Variants in PIK3AP1 observed in about 807,000 individuals in gnomAD.
The protein encoded by PIK3AP1 is phosphoinositide 3-kinase adapter protein 1.
A neutral mutation model predicts 88.1 loss-of-function variants in PIK3AP1; 21 were observed. The observed-to-expected ratio is 0.24, with a 90% CI of 0.17 to 0.34. The LOEUF (loss-of-function observed/expected upper bound fraction) is 0.34. Among genes scored for constraint, PIK3AP1 ranks in the 10% least tolerant of loss-of-function variants. The pLI is 1.00. For synonymous variants in PIK3AP1, 398 were observed against 400.0 expected, an observed-to-expected ratio of 1.00 and a Z score of 0.06; for missense variants, 828 against 1,035.7, an observed-to-expected ratio of 0.80 and a Z score of 2.75.
rs1406862722 is a variant in PIK3AP1, at chr10:96,594,604, G to C, written c.*973C>G. Reference sequence around the variant, plus strand: ...CCTCAGAAGCCTCAACGAAGAAAAAGTCAAAGGTCCTTCTCTCTCTATGAC... The same window carrying C: ...CCTCAGAAGCCTCAACGAAGAAAAACTCAAAGGTCCTTCTCTCTCTATGAC... On this transcript the variant is annotated 3_prime_UTR_variant, in exon 17 of 17. Transcript: ENST00000339364. The surrounding 1 kb of genome is among the most constrained non-coding windows in gnomAD (Gnocchi z 4.6). The C allele has an allele frequency of 6.6e-6, 1 of 152,116 alleles. No homozygotes were observed. The highest frequency in any genetic ancestry group is 2.4e-5 in the African/African-American group (1 of 41,424). The allele number at this position is 152,116 out of a possible 1,614,324, so 9.4% of individuals were successfully genotyped here.
At chr10:96,605,951 G>A (rs1374265468) in intron 14 of PIK3AP1, among the ~76,000 whole-genome samples, 2 of 152,156 alleles carry the variant, frequency 1.3e-5, no homozygotes, top group African/African-American at 2.4e-5. Flanking sequence ...GGGCGTGGTC[G>A]CGGGTGCCTG....
At chr10:96,662,445 T>A (rs766466311) in intron 2 of PIK3AP1, among the ~76,000 whole-genome samples, 4 of 150,048 alleles carry the variant, frequency 2.7e-5, no homozygotes, top group African/African-American at 9.9e-5. Context: ...CTACTAAAAA[T>A]ACAAAAAATT....
chr10:96,612,992 T>A (rs1415784576), intron 13 of PIK3AP1, among the ~76,000 whole-genome samples: 8 of 39,398 alleles, frequency 2.0e-4, no homozygotes, highest in African/African-American at 7.3e-4. Context: ...ATTTTTTTTT[T>A]TTTTTTTTTT....
intron 2 of PIK3AP1, among the ~76,000 whole-genome samples, chr10:96,663,584 C>T (rs954584372): frequency 8.1e-5 from 11 of 135,794 alleles, no homozygotes; most frequent in Admixed American, 4.9e-4. Flanking sequence ...GAGTCGAGAT[C>T]GCACCACTGT....
At chr10:96,697,634 T>A (rs1844238873) in intron 2 of PIK3AP1, among the ~76,000 whole-genome samples, 1 of 151,902 alleles carries the variant, frequency 6.6e-6, no homozygotes, top group Non-Finnish European at 1.5e-5. Context: ...GAGGCTGAGA[T>A]GAGAGGATCG....
intron 15 of PIK3AP1, 66 bp downstream of exon 15, chr10:96,603,913 G>A: frequency 7.1e-7 from 1 of 1,398,614 alleles, no homozygotes; most frequent in Non-Finnish European, 9.7e-7. Context: ...TTTCACCTGG[G>A]TTTCTATCTC....
rs1016234300 is a variant in PIK3AP1, at chr10:96,642,245, C to T, written c.1375+3228G>A. ...TTCAAGACCAGCCTGGGTAACATCA[C>T]AAAATCCCATCTATATGAAAAATAC... On this transcript the variant is annotated intron_variant, in intron 8 of 16. Transcript: ENST00000339364. Among the ~76,000 whole-genome samples the T allele has an allele frequency of 2.6e-5, 4 of 152,022 alleles. No homozygotes were observed. In the East Asian group the frequency reaches 7.7e-4, roughly 29 times the overall value.
chr10:96,653,234 G>A (rs745901983), intron 3 of PIK3AP1, among the ~76,000 whole-genome samples: 20 of 151,536 alleles, frequency 1.3e-4, no homozygotes, highest in Non-Finnish European at 2.5e-4. Flanking sequence ...GTGAAACCCC[G>A]CCTCTACTAA....
At chr10:96,652,489 C>T (rs113427239) in intron 4 of PIK3AP1, among the ~76,000 whole-genome samples, 11 of 151,874 alleles carry the variant, frequency 7.2e-5, no homozygotes, top group Admixed American at 7.2e-4. Flanking sequence ...AGGAGAATGG[C>T]GTGAACCTGG....
rs148368286 is a variant in PIK3AP1 at position 96,661,369 on chromosome 10, A to G, written c.431-4435T>C. ...TGTATGATACTATACTGGTGGGTGCATGTTATTAGACATTTGTCCACACCA... is the reference window on the plus strand; with the variant it reads ...TGTATGATACTATACTGGTGGGTGCGTGTTATTAGACATTTGTCCACACCA... On this transcript the variant is annotated intron_variant, in intron 2 of 16. Coordinates refer to ENST00000339364, the MANE Select transcript of PIK3AP1 (RefSeq NM_152309.3). Among the ~76,000 whole-genome samples the G allele has an allele frequency of 9.3e-3, 1,410 of 152,308 alleles. 21 individuals are homozygous for G. Among genetic ancestry groups the G allele is most frequent in the African/African-American group, 0.032 (1,345 of 41,552 alleles).
chr10:96,690,747 C>G (rs1176106591), intron 2 of PIK3AP1, among the ~76,000 whole-genome samples: 1 of 152,202 alleles, frequency 6.6e-6, no homozygotes, highest in Non-Finnish European at 1.5e-5. Flanking sequence ...ACACTCCAGG[C>G]TACCAGAGTG....
At chr10:96,599,610 G>A (rs577269544) in intron 16 of PIK3AP1, among the ~76,000 whole-genome samples, 21 of 152,258 alleles carry the variant, frequency 1.4e-4, no homozygotes, top group Non-Finnish European at 2.4e-4. Flanking sequence ...TGACAGTGGA[G>A]TCTAGGACAC....
chr10:96,641,086 CGTGT>C (rs56816682), intron 8 of PIK3AP1, among the ~76,000 whole-genome samples: 9,684 of 143,190 alleles, frequency 0.068, 658 homozygotes, highest in African/African-American at 0.17. Context: ...GTGAGTGTGC[CGTGT>C]GTGTGTGTGT....
chr10:96,645,525 C>G lies in PIK3AP1; in HGVS notation c.1323G>C (p.Glu441Asp). 3.1e-6 allele frequency: 5 copies of G among 1,614,076 alleles called. No homozygotes were observed. Among genetic ancestry groups the G allele is most frequent in the Non-Finnish European group, 4.2e-6 (5 of 1,179,978 alleles). ...AGGCAGCCATGGACTCATAGAGATC[C>G]TCGTCACAGCCGGGGTTGAGCGAGC... ...MKCSLNPGCD[E>D]DLYESMAAFV... The change falls in exon 8 of 17, where the codon GAG (glutamate) becomes GAC (aspartate). Residue 441 changes from glutamate (E) to aspartate (D), a missense_variant. Glu to Asp is a conservative substitution (Grantham distance 45). Coordinates refer to ENST00000339364, the MANE Select transcript of PIK3AP1 (RefSeq NM_152309.3).
chr10:96,616,922 C>A (rs1849223939), intron 12 of PIK3AP1, among the ~76,000 whole-genome samples: 1 of 152,182 alleles, frequency 6.6e-6, no homozygotes, highest in Non-Finnish European at 1.5e-5. Context: ...ACATCTCTTC[C>A]ACAAGAAAGT....
rs1424205509 is a variant in PIK3AP1, at chr10:96,594,827, T to C, written c.*750A>G. ...CTGGGAGATACGGAAGATGGAAAATTCTGGAAGACCAATAGGCACTGATGA... is the reference window on the plus strand; with the variant it reads ...CTGGGAGATACGGAAGATGGAAAATCCTGGAAGACCAATAGGCACTGATGA... On this transcript the variant is annotated 3_prime_UTR_variant, in exon 17 of 17. Transcript: ENST00000339364. This position sits in a 1 kb window ranked among gnomAD's most constrained non-coding sequence, Gnocchi z 4.6. The C allele has an allele frequency of 6.6e-6, 1 of 152,174 alleles. No individual in the cohort carries two copies. The highest frequency in any genetic ancestry group is 1.5e-5 in the Non-Finnish European group (1 of 68,040). The allele number at this position is 152,174 out of a possible 1,614,324, so 9.4% of individuals were successfully genotyped here.
chr10:96,616,744 A>G (rs760444356), intron 12 of PIK3AP1, 33 bp from the exon 13 acceptor site: 1 of 1,586,182 alleles, frequency 6.3e-7, no homozygotes, highest in African/African-American at 1.3e-5. Context: ...TTTTAAGTGT[A>G]CAACAGGATG....
chr10:96,667,438 T>C (rs780086325), intron 2 of PIK3AP1, among the ~76,000 whole-genome samples: 13 of 152,226 alleles, frequency 8.5e-5, no homozygotes, highest in Non-Finnish European at 1.6e-4. Flanking sequence ...TGCTAGGAAC[T>C]ACGCAAAACA....
intron 8 of PIK3AP1, among the ~76,000 whole-genome samples, chr10:96,628,879 T>TACAC: frequency 9.6e-5 from 1 of 10,452 alleles, no homozygotes; most frequent in East Asian, 8.8e-3. Flanking sequence ...TATACACATA[T>TACAC]ATATATATAC....
Sources: gnomAD v4.1 joint callset for allele counts (sites outside exome capture counted in the v4.1 genomes callset) on GRCh38, gnomAD v4.1.1 for gene constraint, Gnocchi (gnomAD v3.1) non-coding constraint, MANE v1.5 for transcripts, NCBI Gene and HGNC (gene_info 2026-07-23, HGNC 2026-07-21) for gene names.